The following HCRTR2 variants were observed in gnomAD, a reference collection of about 807,000 sequenced individuals.
HCRTR2 encodes the protein orexin receptor type 2.
HCRTR2 carries 22 observed loss-of-function variants against 49.0 expected under a neutral mutation model. The ratio of observed to expected loss-of-function variants is 0.45; its 90% confidence interval spans 0.32 to 0.64. The LOEUF (loss-of-function observed/expected upper bound fraction) is 0.64, where lower values mean the gene tolerates loss of function less well. Ranked by LOEUF, HCRTR2 falls within the 30% of genes least tolerant of loss-of-function variation. The pLI is 0.04. For missense variants in HCRTR2, 491 were observed against 559.4 expected (o/e 0.88, Z 1.23); for synonymous variants, 236 against 205.3 (o/e 1.15, Z -1.28).
intron 5 of HCRTR2, 48 bp downstream of exon 5, chr6:55,277,648 A>T: frequency 1.4e-5 from 18 of 1,262,488 alleles, no homozygotes; most frequent in Middle Eastern, 2.3e-4. Context: ...CCTTTTCTTG[A>T]TTCTTAATTA....
At chr6:55,219,652 A>C (rs1765852965) in intron 1 of HCRTR2, among the ~76,000 whole-genome samples, 3 of 152,080 alleles carry the variant, frequency 2.0e-5, no homozygotes, top group African/African-American at 4.8e-5. Context: ...CAGAAGTGGA[A>C]GAAGGAGAAA....
rs924999311 is a variant in HCRTR2, at chr6:55,255,532, A to G, written c.646+153A>G. Among the ~76,000 whole-genome samples, 6 of 152,244 alleles carry G rather than the reference A, an allele frequency of 3.9e-5. No individual in the cohort carries two copies. The East Asian group carries it at 1.2e-3, about 29-fold the overall frequency. On this transcript the variant is annotated intron_variant, in intron 3 of 6. Coordinates refer to ENST00000370862, the MANE Select transcript of HCRTR2 (RefSeq NM_001384272.1). ...GCATGAAAACCAACTTGAATTTCAA[A>G]ACAATTTCACAGAATAACTCTACCT...
intron 1 of HCRTR2, among the ~76,000 whole-genome samples, chr6:55,216,743 T>C (rs1581835370): frequency 6.6e-6 from 1 of 152,198 alleles, no homozygotes; most frequent in African/African-American, 2.4e-5. Flanking sequence ...CCTGCAGCTT[T>C]CCCAGGTGGG....
chr6:55,130,175 T>C (rs1362501764), intron 1 of HCRTR2, among the ~76,000 whole-genome samples: 2 of 151,944 alleles, frequency 1.3e-5, no homozygotes, highest in African/African-American at 4.8e-5. Context: ...ATCACTAATC[T>C]AAGGCCTTTC....
chr6:55,159,551 G>C (rs1225782118), intron 1 of HCRTR2, among the ~76,000 whole-genome samples: 1 of 152,174 alleles, frequency 6.6e-6, no homozygotes, highest in African/African-American at 2.4e-5. Flanking sequence ...AGCTAAAGGA[G>C]CATGTTCTAA....
intron 1 of HCRTR2, among the ~76,000 whole-genome samples, chr6:55,237,111 T>A (rs9475209): frequency 0.04 from 6,159 of 152,176 alleles, 429 homozygotes; most frequent in African/African-American, 0.14. Context: ...TGTTTCCAGT[T>A]CACATATTTT....
At chr6:55,216,827 T>C (rs1408884990) in intron 1 of HCRTR2, among the ~76,000 whole-genome samples, 1 of 152,194 alleles carries the variant, frequency 6.6e-6, no homozygotes, top group Admixed American at 6.5e-5. Flanking sequence ...GTATTTTTAC[T>C]CAACATTGCT....
chr6:55,108,972 TGA>T (rs1477068352), intron 1 of HCRTR2, among the ~76,000 whole-genome samples: 1 of 151,994 alleles, frequency 6.6e-6, no homozygotes, highest in African/African-American at 2.4e-5. Context: ...TCGGTGCTGT[TGA>T]GGGAGCATGG....
intron 4 of HCRTR2, among the ~76,000 whole-genome samples, chr6:55,270,397 C>A (rs569644130): frequency 6.6e-6 from 1 of 152,282 alleles, no homozygotes; most frequent in East Asian, 1.9e-4. Flanking sequence ...TCCATTCAAG[C>A]AACATATAGT....
rs1448093982 is a variant in HCRTR2 at position 55,135,875 on chromosome 6, G to A, written c.-378+29330G>A. Among the ~76,000 whole-genome samples, 7 of 152,208 alleles carry A rather than the reference G, an allele frequency of 4.6e-5. No homozygotes were observed. The East Asian group carries it at 1.4e-3, about 29-fold the overall frequency. Reference sequence around the variant, plus strand: ...GACCGCAGTAGCGTTGCTTATTCATGGAAAAGGAAATTTGGTGATAACTTG... The same window carrying A: ...GACCGCAGTAGCGTTGCTTATTCATAGAAAAGGAAATTTGGTGATAACTTG... On this transcript the variant is annotated intron_variant, in intron 1 of 7. Transcript: ENST00000615358.
At chr6:55,217,789 AT>A (rs934397015) in intron 1 of HCRTR2, among the ~76,000 whole-genome samples, 3 of 152,002 alleles carry the variant, frequency 2.0e-5, no homozygotes, top group African/African-American at 7.3e-5. Flanking sequence ...GCAATATAAG[AT>A]TTTTTTTGCC....
chr6:55,261,064 G>A (rs1176866376), intron 3 of HCRTR2, among the ~76,000 whole-genome samples: 2 of 152,182 alleles, frequency 1.3e-5, no homozygotes, highest in African/African-American at 4.8e-5. Flanking sequence ...GCTCTGTTGT[G>A]TTAGCATTCA....
At chr6:55,268,399 C>A (rs951809795) in intron 4 of HCRTR2, among the ~76,000 whole-genome samples, 12 of 151,796 alleles carry the variant, frequency 7.9e-5, no homozygotes, top group Non-Finnish European at 1.8e-4. Context: ...AATCAAAGGG[C>A]ATAGATTGAC....
In HCRTR2 at chr6:55,262,663, TATATA is replaced by T. The variant is rs1436724898; in HGVS notation, c.647-1038_647-1034del. Among the ~76,000 whole-genome samples the T allele has an allele frequency of 3.6e-5, 5 of 140,244 alleles. No homozygotes were observed. In the South Asian group the frequency reaches 6.4e-4, roughly 18 times the overall value. 92.0% of individuals were successfully genotyped at this position (140,244 alleles called of 152,430 possible). A position where few individuals can be genotyped will look rare whatever the true frequency, so the allele number is the denominator to read the frequency against. On this transcript the variant is annotated intron_variant, in intron 3 of 6. Coordinates refer to ENST00000370862, the MANE Select transcript of HCRTR2 (RefSeq NM_001384272.1). ...TTATAAATATATAATGATTATATAT[TATATA>T]ATATATAAAATATATATTATGTAGG...
chr6:55,108,983 G>C (rs2127610150), intron 1 of HCRTR2, among the ~76,000 whole-genome samples: 1 of 152,158 alleles, frequency 6.6e-6, no homozygotes, highest in Non-Finnish European at 1.5e-5. Context: ...GAGGGAGCAT[G>C]GCAGTCCACC....
intron 4 of HCRTR2, among the ~76,000 whole-genome samples, chr6:55,266,713 T>C (rs994805759): frequency 6.6e-6 from 1 of 152,282 alleles, no homozygotes; most frequent in Admixed American, 6.5e-5. Flanking sequence ...TCTGTCTTGT[T>C]ACTTTTACAT....
At chr6:55,229,200 A>T (rs74612351) in intron 1 of HCRTR2, among the ~76,000 whole-genome samples, 6,215 of 152,166 alleles carry the variant, frequency 0.041, 436 homozygotes, top group African/African-American at 0.14. Flanking sequence ...CACTATAAAA[A>T]TTTTTTGTTT....
At chr6:55,173,497 A>G (rs12660136), upstream of HCRTR2, among the ~76,000 whole-genome samples, 11,211 of 152,256 alleles carry the variant, frequency 0.074, 1,322 homozygotes, top group East Asian at 0.48. Context: ...GACAAATGCT[A>G]GAATACTTAT....
At chr6:55,267,333 A>G (rs9475223) in intron 4 of HCRTR2, among the ~76,000 whole-genome samples, 5,106 of 151,728 alleles carry the variant, frequency 0.034, 304 homozygotes, top group African/African-American at 0.12. Flanking sequence ...TGACTTTCTC[A>G]AGAAGTTTAA....
Sources: gnomAD v4.1 joint callset for allele counts (sites outside exome capture counted in the v4.1 genomes callset) on GRCh38, gnomAD v4.1.1 for gene constraint, MANE v1.5 for transcripts, NCBI Gene and HGNC (gene_info 2026-07-23, HGNC 2026-07-21) for gene names.